ATP8B4: variants seen among roughly 807,000 people sequenced by gnomAD.
ATP8B4 encodes ATPase phospholipid transporting 8B4 (putative).
In ATP8B4, 133 loss-of-function variants were observed where a neutral mutation model predicts 145.6. That is an observed-to-expected ratio of 0.91 (90% confidence interval 0.79 to 1.05). The LOEUF is 1.05. ATP8B4 is among the 50% of genes least tolerant of loss of function. ATP8B4 has a pLI of 0.00. For missense variants in ATP8B4, 1,458 were observed against 1,425.2 expected (o/e 1.02, Z -0.37); for synonymous variants, 507 against 492.9 (o/e 1.03, Z -0.38).
intron 1 of ATP8B4, among the ~76,000 whole-genome samples, chr15:50,142,066 A>C (rs1282150977): frequency 6.6e-6 from 1 of 151,860 alleles, no homozygotes; most frequent in African/African-American, 2.4e-5. Context: ...GACAGAATGT[A>C]CAAAGGCAGA....
chr15:49,933,935 G>A, intron 15 of ATP8B4, 82 bp downstream of exon 15: 1 of 1,389,764 alleles, frequency 7.2e-7, no homozygotes. Flanking sequence ...TGCTTAATTT[G>A]TAAATCCTTC....
At chr15:50,119,995 G>A (rs988759064), upstream of ATP8B4, among the ~76,000 whole-genome samples, 2 of 151,866 alleles carry the variant, frequency 1.3e-5, no homozygotes, top group Non-Finnish European at 2.9e-5. Flanking sequence ...TTGTTAAAGC[G>A]GGATTAGATG....
intron 12 of ATP8B4, among the ~76,000 whole-genome samples, chr15:49,977,465 T>C (rs1256166767): frequency 6.6e-6 from 1 of 152,116 alleles, no homozygotes; most frequent in African/African-American, 2.4e-5. Context: ...ATACATAGCT[T>C]AGGGATATAG....
chr15:50,139,138 G>A (rs5026421), intron 1 of ATP8B4, among the ~76,000 whole-genome samples: 34,403 of 152,142 alleles, frequency 0.23, 4,564 homozygotes, highest in East Asian at 0.42. Context: ...ACATGCACAC[G>A]TATGTTTATT....
At chr15:50,127,679 G>A (rs2057316377) in intron 1 of ATP8B4, among the ~76,000 whole-genome samples, 1 of 152,156 alleles carries the variant, frequency 6.6e-6, no homozygotes, top group Non-Finnish European at 1.5e-5. Flanking sequence ...AATACCGATT[G>A]CAAAGAAATT....
At chr15:49,966,649 C>G (rs2044569759) in intron 13 of ATP8B4, among the ~76,000 whole-genome samples, 1 of 152,206 alleles carries the variant, frequency 6.6e-6, no homozygotes, top group Non-Finnish European at 1.5e-5. Flanking sequence ...TCCCATCTCC[C>G]TGGGACAGCG....
At chr15:50,007,930 C>T (rs1470039229) in intron 7 of ATP8B4, among the ~76,000 whole-genome samples, 1 of 152,208 alleles carries the variant, frequency 6.6e-6, no homozygotes, top group Non-Finnish European at 1.5e-5. Flanking sequence ...GACTCCCATC[C>T]TCGGTTATCC....
intron 1 of ATP8B4, among the ~76,000 whole-genome samples, chr15:50,150,297 T>G (rs1416046399): frequency 1.3e-5 from 2 of 152,164 alleles, no homozygotes; most frequent in African/African-American, 2.4e-5. Flanking sequence ...TTTGTGATAG[T>G]ATGTGTTATC....
chr15:50,126,874 GC>G (rs1332523166), intron 1 of ATP8B4, among the ~76,000 whole-genome samples: 1 of 150,650 alleles, frequency 6.6e-6, no homozygotes, highest in Non-Finnish European at 1.5e-5. Context: ...ACACCCCCCC[GC>G]CACCAAATGG....
chr15:50,154,523 A>C (rs1046580314), intron 1 of ATP8B4, among the ~76,000 whole-genome samples: 4 of 152,176 alleles, frequency 2.6e-5, no homozygotes, highest in Non-Finnish European at 5.9e-5. Context: ...TAACCTTTTT[A>C]CCAAGCAATT....
intron 2 of ATP8B4, among the ~76,000 whole-genome samples, chr15:50,091,011 GCTCT>G (rs1413269928): frequency 6.6e-6 from 1 of 151,910 alleles, no homozygotes; most frequent in East Asian, 1.9e-4. Context: ...TATTTGGTTA[GCTCT>G]CTTTTAGGTG....
At chr15:49,860,753 C>A (rs1255341514) in intron 27 of ATP8B4, among the ~76,000 whole-genome samples, 1 of 152,114 alleles carries the variant, frequency 6.6e-6, no homozygotes, top group African/African-American at 2.4e-5. Context: ...TATGAGCATA[C>A]ATTTGTATAG....
At chr15:49,964,943 T>C (rs2044393295) in intron 13 of ATP8B4, among the ~76,000 whole-genome samples, 1 of 152,356 alleles carries the variant, frequency 6.6e-6, no homozygotes, top group East Asian at 1.9e-4. Context: ...AATATTCTGA[T>C]TAAAAGTTTC....
intron 23 of ATP8B4, chr15:49,880,370 A>ACAAC (rs1417615714): frequency 1.3e-5 from 2 of 152,210 alleles, no homozygotes; most frequent in Non-Finnish European, 2.9e-5. Flanking sequence ...GCCCCATGAA[A>ACAAC]CAACCCTAAG....
intron 21 of ATP8B4, among the ~76,000 whole-genome samples, chr15:49,900,794 T>G (rs530865992): frequency 6.6e-6 from 1 of 152,296 alleles, no homozygotes; most frequent in East Asian, 1.9e-4. Context: ...CACTCCCCTC[T>G]AGAAAGGCAC....
intron 13 of ATP8B4, among the ~76,000 whole-genome samples, chr15:49,967,160 G>A (rs569761823): frequency 2.6e-5 from 4 of 152,138 alleles, no homozygotes; most frequent in African/African-American, 9.7e-5. Context: ...ATGAAGATGA[G>A]GAAAAACCAG....
At chr15:49,966,704 A>C (rs28868411) in intron 13 of ATP8B4, among the ~76,000 whole-genome samples, 12,077 of 152,198 alleles carry the variant, frequency 0.079, 531 homozygotes, top group Middle Eastern at 0.099. Context: ...CAGCAGAATT[A>C]TATGTTCCTG....
intron 3 of ATP8B4, among the ~76,000 whole-genome samples, chr15:50,069,601 T>C (rs1234909498): frequency 6.6e-6 from 1 of 152,240 alleles, no homozygotes; most frequent in Non-Finnish European, 1.5e-5. Context: ...TCTACTTTTG[T>C]CTTTAGAATA....
chr15:50,160,700 A>G (rs537216390), intron 1 of ATP8B4, among the ~76,000 whole-genome samples: 1 of 151,534 alleles, frequency 6.6e-6, no homozygotes. Flanking sequence ...TCCTCTTGTT[A>G]CTGATTTCTT....
Sources: allele counts gnomAD v4.1 joint callset (sites outside exome capture counted in the v4.1 genomes callset), GRCh38; gene constraint gnomAD v4.1.1; transcripts MANE v1.5; gene names NCBI Gene and HGNC (gene_info 2026-07-23, HGNC 2026-07-21).